The following UCK2 variants were observed in gnomAD, a reference collection of about 807,000 sequenced individuals.
UCK2 encodes uridine-cytidine kinase 2, also known as cytidine monophosphokinase 2.
Under a neutral mutation model 30.8 loss-of-function variants are expected in UCK2, and 6 were observed. The observed-to-expected ratio is 0.19, with a 90% CI of 0.11 to 0.38. The LOEUF (loss-of-function observed/expected upper bound fraction) is 0.38, where lower values mean the gene tolerates loss of function less well. UCK2 is among the 10% of genes least tolerant of loss of function. The pLI is 1.00. For missense variants in UCK2, 210 were observed against 339.8 expected, an observed-to-expected ratio of 0.62 and a Z score of 3.00; for synonymous variants, 125 against 133.6, an observed-to-expected ratio of 0.94 and a Z score of 0.45.
At chr1:165,827,975 C>G in intron 1 of UCK2, 43 bp downstream of exon 1, 1 of 1,252,944 alleles carries the variant, frequency 8.0e-7, no homozygotes, top group Admixed American at 4.2e-5. Flanking sequence ...CGGCTTCTGT[C>G]CCTGGGCGGC....
chr1:165,883,455 A>T (rs1423720561), intron 1 of UCK2, among the ~76,000 whole-genome samples: 2 of 152,278 alleles, frequency 1.3e-5, no homozygotes, highest in South Asian at 2.1e-4. Context: ...GACATTTGGG[A>T]GACACACCCC....
chr1:165,885,305 C>T (rs1406067275), intron 1 of UCK2: 1 of 398,322 alleles, frequency 2.5e-6, no homozygotes, highest in East Asian at 3.6e-5. Context: ...CTCCAGTTTC[C>T]TCATTAGGAA....
At chr1:165,861,663 C>A (rs1262429991) in intron 1 of UCK2, among the ~76,000 whole-genome samples, 61 of 72,624 alleles carry the variant, frequency 8.4e-4, no homozygotes, top group Middle Eastern at 8.6e-3. Flanking sequence ...AAAAAAACAA[C>A]AGTAAAACTC....
At chr1:165,862,242 C>T (rs1654931412) in intron 1 of UCK2, among the ~76,000 whole-genome samples, 1 of 152,188 alleles carries the variant, frequency 6.6e-6, no homozygotes, top group Non-Finnish European at 1.5e-5. Context: ...AAGCTAATTT[C>T]TTCACTGCTG....
At chr1:165,839,687 G>A (rs1654276621) in intron 1 of UCK2, among the ~76,000 whole-genome samples, 1 of 152,168 alleles carries the variant, frequency 6.6e-6, no homozygotes, top group Admixed American at 6.5e-5. Context: ...TTTGGAGTCA[G>A]CCAGGCTTGT....
At chr1:165,866,933 A>G (rs965897032) in intron 1 of UCK2, among the ~76,000 whole-genome samples, 2 of 152,232 alleles carry the variant, frequency 1.3e-5, no homozygotes, top group South Asian at 4.1e-4. Flanking sequence ...GTTGTGAATA[A>G]TGCTGTTATG....
intron 3 of UCK2, among the ~76,000 whole-genome samples, chr1:165,892,939 T>C (rs929539461): frequency 2.6e-5 from 4 of 151,814 alleles, no homozygotes; most frequent in Admixed American, 2.6e-4. Flanking sequence ...GGAGTGGGTG[T>C]GTGGGAAGGC....
intron 1 of UCK2, among the ~76,000 whole-genome samples, chr1:165,885,801 T>C (rs1655600887): frequency 6.6e-6 from 1 of 152,192 alleles, no homozygotes; most frequent in South Asian, 2.1e-4. Flanking sequence ...TCACATAAGC[T>C]TGTGGTATGC....
chr1:165,836,317 C>T (rs1293019594), intron 1 of UCK2, among the ~76,000 whole-genome samples: 2 of 152,126 alleles, frequency 1.3e-5, no homozygotes, highest in Non-Finnish European at 1.5e-5. Context: ...GAGCCTTCCA[C>T]CCCCAATTAT....
At chr1:165,855,891 A>G (rs537386113) in intron 1 of UCK2, among the ~76,000 whole-genome samples, 4 of 152,170 alleles carry the variant, frequency 2.6e-5, no homozygotes, top group Admixed American at 2.6e-4. Context: ...CAAAATACAC[A>G]ATCTATTCTC....
At chr1:165,890,585 G>C (rs1433312711) in intron 2 of UCK2, among the ~76,000 whole-genome samples, 1 of 152,166 alleles carries the variant, frequency 6.6e-6, no homozygotes, top group Non-Finnish European at 1.5e-5. Context: ...GATTGAATCT[G>C]TATCTGAACA....
At chr1:165,866,953 G>A (rs1241951116) in intron 1 of UCK2, among the ~76,000 whole-genome samples, 2 of 152,152 alleles carry the variant, frequency 1.3e-5, no homozygotes, top group East Asian at 3.9e-4. Flanking sequence ...GAACATGAGT[G>A]TACAAATATA....
intron 1 of UCK2, among the ~76,000 whole-genome samples, chr1:165,833,100 C>T (rs535417773): frequency 1.3e-5 from 2 of 152,200 alleles, no homozygotes; most frequent in South Asian, 4.1e-4. Flanking sequence ...GCTCTGGACC[C>T]GTGTCGGCGC....
At chr1:165,866,218 A>G (rs16851987) in intron 1 of UCK2, among the ~76,000 whole-genome samples, 29,792 of 152,180 alleles carry the variant, frequency 0.2, 3,458 homozygotes, top group South Asian at 0.43. Flanking sequence ...AATGCAAGCT[A>G]TTGATTTTTT....
Position 165,827,922 on chromosome 1 carries a change from C to T in UCK2, c.89C>T (p.Ala30Val). 1 of 1,440,146 alleles carries T rather than the reference C, an allele frequency of 6.9e-7. No homozygotes were observed. The highest frequency in any genetic ancestry group is 1.5e-5 in the South Asian group (1 of 65,826). The allele number at this position is 1,440,146 out of a possible 1,614,324, so 89.2% of individuals were successfully genotyped here. The change falls in exon 1 of 7, where the codon GCT becomes GTT. Residue 30 changes from alanine to valine, a missense_variant. Coordinates refer to ENST00000367879, the MANE Select transcript of UCK2 (RefSeq NM_012474.5). ...PFLIGVSGGT[A>V]SGKSSVCAKI... ...CTTATAGGCGTCAGCGGGGGAACAG[C>T]TAGCGGCAAGGTACGGCGGGGCCCG...
intron 1 of UCK2, among the ~76,000 whole-genome samples, chr1:165,867,345 C>T (rs1655072229): frequency 6.6e-6 from 1 of 152,196 alleles, no homozygotes; most frequent in African/African-American, 2.4e-5. Context: ...TTGACTCTTT[C>T]CTTCATGAAA....
intron 1 of UCK2, among the ~76,000 whole-genome samples, chr1:165,845,111 G>T (rs773959420): frequency 6.6e-6 from 1 of 152,138 alleles, no homozygotes. Flanking sequence ...GAAGTATGGG[G>T]CAGTCTTGGG....
chr1:165,827,723 C>A lies in UCK2; in HGVS notation c.-111C>A. ...CGCAGGCGAGCGACAGCGGCCTCAGCCCCGGCAGCGCCCAGCGGCGGCTGC... is the reference window on the plus strand; with the variant it reads ...CGCAGGCGAGCGACAGCGGCCTCAGACCCGGCAGCGCCCAGCGGCGGCTGC... On this transcript the variant is annotated 5_prime_UTR_variant, in exon 1 of 7. Transcript: ENST00000367879. 5.8e-6 allele frequency: 6 copies of A among 1,033,084 alleles called. No individual in the cohort carries two copies. The highest frequency in any genetic ancestry group is 6.3e-6 in the Non-Finnish European group (5 of 793,644). The allele number at this position is 1,033,084 out of a possible 1,614,324, so 64.0% of individuals were successfully genotyped here.
At chr1:165,876,310 C>T (rs1022164725) in intron 1 of UCK2, among the ~76,000 whole-genome samples, 2 of 152,176 alleles carry the variant, frequency 1.3e-5, no homozygotes, top group East Asian at 1.9e-4. Flanking sequence ...GTGACATCTT[C>T]GTCACCAAGG....
Sources: gnomAD v4.1 joint callset for allele counts (sites outside exome capture counted in the v4.1 genomes callset) on GRCh38, gnomAD v4.1.1 for gene constraint, MANE v1.5 for transcripts, NCBI Gene and HGNC (gene_info 2026-07-23, HGNC 2026-07-21) for gene names.